Variants in NTRK3 observed in about 807,000 individuals in gnomAD.
NTRK3 encodes NT-3 growth factor receptor.
A neutral mutation model predicts 91.7 loss-of-function variants in NTRK3; 24 were observed. The observed-to-expected ratio is 0.26, with a 90% CI of 0.19 to 0.37. NTRK3 has a LOEUF of 0.37. Among genes scored for constraint, NTRK3 ranks in the 10% least tolerant of loss-of-function variants. NTRK3 has a pLI of 1.00. For synonymous variants in NTRK3, 483 were observed against 404.0 expected (o/e 1.20, Z -2.34); for missense variants, 880 against 1,068.9 (o/e 0.82, Z 2.46).
intron 13 of NTRK3, among the ~76,000 whole-genome samples, chr15:88,113,568 A>G (rs2051689166): frequency 6.6e-6 from 1 of 152,096 alleles, no homozygotes; most frequent in African/African-American, 2.4e-5. Flanking sequence ...CAGCCGCCTC[A>G]GCCTCCCAAA....
intron 5 of NTRK3, among the ~76,000 whole-genome samples, chr15:88,159,314 C>T (rs1280750421): frequency 6.6e-6 from 1 of 152,210 alleles, no homozygotes; most frequent in South Asian, 2.1e-4. Context: ...ATCCCTCCTC[C>T]AAGATAAGAG....
intron 6 of NTRK3, among the ~76,000 whole-genome samples, chr15:88,140,799 C>G (rs1461122130): frequency 6.6e-6 from 1 of 152,172 alleles, no homozygotes; most frequent in Admixed American, 6.5e-5. Context: ...TAGGGCCCCC[C>G]CAGGACACCC....
At chr15:88,084,368 T>A (rs770257744) in intron 13 of NTRK3, among the ~76,000 whole-genome samples, 1 of 152,216 alleles carries the variant, frequency 6.6e-6, no homozygotes, top group Non-Finnish European at 1.5e-5. Context: ...ATTGTTCTCC[T>A]GTTCACAGCC....
intron 6 of NTRK3, among the ~76,000 whole-genome samples, chr15:88,142,954 T>C (rs1010787992): frequency 3.9e-5 from 6 of 152,090 alleles, no homozygotes; most frequent in Middle Eastern, 3.2e-3. Context: ...GTGGCTCATG[T>C]CTGTAATCTC....
chr15:88,105,353 AC>A (rs2050592373), intron 13 of NTRK3, among the ~76,000 whole-genome samples: 2 of 152,198 alleles, frequency 1.3e-5, no homozygotes, highest in African/African-American at 4.8e-5. Flanking sequence ...GGACCTAGCC[AC>A]TGCTACCTTA....
At chr15:87,897,890 G>C (rs887795176) in intron 17 of NTRK3, among the ~76,000 whole-genome samples, 2 of 152,186 alleles carry the variant, frequency 1.3e-5, no homozygotes, top group African/African-American at 4.8e-5. Flanking sequence ...AGGAAATAAT[G>C]TATAACTCAG....
chr15:88,048,215 T>G (rs2080433188), intron 13 of NTRK3, among the ~76,000 whole-genome samples: 1 of 152,208 alleles, frequency 6.6e-6, no homozygotes, highest in African/African-American at 2.4e-5. Context: ...TTGGAAAGCT[T>G]AACTGCCATG....
intron 3 of NTRK3, among the ~76,000 whole-genome samples, chr15:88,187,306 C>A (rs1391866822): frequency 6.6e-6 from 1 of 152,126 alleles, no homozygotes; most frequent in African/African-American, 2.4e-5. Flanking sequence ...GATGCCACAT[C>A]AGAGCAGGTT....
At chr15:87,913,757 A>G (rs2067256060) in intron 17 of NTRK3, among the ~76,000 whole-genome samples, 1 of 152,246 alleles carries the variant, frequency 6.6e-6, no homozygotes, top group South Asian at 2.1e-4. Flanking sequence ...TGAAGAAAAT[A>G]CAATTGGCCT....
intron 17 of NTRK3, among the ~76,000 whole-genome samples, chr15:87,919,656 A>C (rs1430927482): frequency 6.6e-6 from 1 of 152,196 alleles, no homozygotes; most frequent in Non-Finnish European, 1.5e-5. Flanking sequence ...AATACAAAGA[A>C]ATTCTGTTCA....
At chr15:87,869,881 A>C in exon 19 of NTRK3, 1 of 191,680 alleles carries the variant, frequency 5.2e-6, no homozygotes, top group East Asian at 8.3e-5. Flanking sequence ...CATATTACAA[A>C]ATTAGTTTTT....
intron 17 of NTRK3, among the ~76,000 whole-genome samples, chr15:87,901,003 C>A (rs1230325702): frequency 6.6e-6 from 1 of 152,134 alleles, no homozygotes; most frequent in Non-Finnish European, 1.5e-5. Context: ...TTCCACACAG[C>A]CTGCTACTCT....
At position 87,912,931 on chromosome 15, in the gene NTRK3, A is replaced by AT. The variant is rs1567099538; in HGVS notation, c.2133+16259_2133+16260insA. ...TTCAACTTTTCAAAAAGTAAAAAAAAATATATATATATATATATATATATA... is the reference window on the plus strand; with the variant it reads ...TTCAACTTTTCAAAAAGTAAAAAAAATATATATATATATATATATATATATA... On this transcript the variant is annotated intron_variant, in intron 17 of 18. Transcript: ENST00000394480. Among the ~76,000 whole-genome samples the AT allele has an allele frequency of 9.2e-3, 332 of 36,204 alleles. 5 individuals are homozygous for AT. The highest frequency in any genetic ancestry group is 0.012 in the Non-Finnish European group (247 of 21,128). 23.8% of individuals were successfully genotyped at this position (36,204 alleles called of 152,430 possible). A position where few individuals can be genotyped will look rare whatever the true frequency, so the allele number is the denominator to read the frequency against.
At chr15:88,016,803 AT>A (rs923262810) in intron 14 of NTRK3, among the ~76,000 whole-genome samples, 3 of 150,602 alleles carry the variant, frequency 2.0e-5, no homozygotes, top group South Asian at 2.1e-4. Context: ...GGAGAGTGTC[AT>A]TTTTTTTTCT....
chr15:87,933,226 C>T (rs1471974202), intron 15 of NTRK3, 42 bp from the exon 16 acceptor site: 5 of 1,605,118 alleles, frequency 3.1e-6, no homozygotes, highest in Non-Finnish European at 3.4e-6. Context: ...AACTACAGGG[C>T]AGGGGGCTGT....
At chr15:88,091,233 G>C (rs2048986967) in intron 13 of NTRK3, among the ~76,000 whole-genome samples, 1 of 152,168 alleles carries the variant, frequency 6.6e-6, no homozygotes, top group Non-Finnish European at 1.5e-5. Flanking sequence ...ACTTGGGAAA[G>C]ACCAGCAAAA....
chr15:88,050,521 G>A (rs988295514), intron 13 of NTRK3, among the ~76,000 whole-genome samples: 1 of 143,522 alleles, frequency 7.0e-6, no homozygotes, highest in Admixed American at 6.9e-5. Context: ...GTGTGTATGT[G>A]TGTGTGTGTT....
At chr15:88,208,057 T>TAGA (rs1298838617) in intron 3 of NTRK3, among the ~76,000 whole-genome samples, 1 of 152,164 alleles carries the variant, frequency 6.6e-6, no homozygotes, top group African/African-American at 2.4e-5. Flanking sequence ...CAATGGGATC[T>TAGA]GTTGCAGTCC....
chr15:88,171,866 T>C (rs530835583), intron 5 of NTRK3, among the ~76,000 whole-genome samples: 1 of 152,352 alleles, frequency 6.6e-6, no homozygotes, highest in African/African-American at 2.4e-5. Context: ...AAATTTTACA[T>C]TGAGAAAACA....
Sources: gnomAD v4.1 joint callset for allele counts (sites outside exome capture counted in the v4.1 genomes callset) on GRCh38, gnomAD v4.1.1 for gene constraint, MANE v1.5 for transcripts, NCBI Gene and HGNC (gene_info 2026-07-23, HGNC 2026-07-21) for gene names.